The following NELL1 variants were observed in gnomAD, a reference collection of about 807,000 sequenced individuals.
The protein encoded by NELL1 is neural EGFL like 1, also known as protein kinase C-binding protein NELL1.
A neutral mutation model predicts 107.4 loss-of-function variants in NELL1; 76 were observed. That is an observed-to-expected ratio of 0.71 (90% CI 0.59 to 0.86). The LOEUF is 0.86. Ranked by LOEUF, NELL1 falls within the 40% of genes least tolerant of loss-of-function variation. The pLI is 0.00. For synonymous variants in NELL1, 353 were observed against 341.2 expected (o/e 1.03, Z -0.38); for missense variants, 1,024 against 1,005.5 (o/e 1.02, Z -0.25).
chr11:20,911,307 A>G (rs935992068), intron 5 of NELL1, among the ~76,000 whole-genome samples: 5 of 152,230 alleles, frequency 3.3e-5, no homozygotes, highest in African/African-American at 7.2e-5. Flanking sequence ...GGCCCTGCAT[A>G]TAGTATCTCA....
chr11:20,935,575 A>C (rs186795410), intron 9 of NELL1: 3 of 152,050 alleles, frequency 2.0e-5, no homozygotes, highest in African/African-American at 7.2e-5. Flanking sequence ...AGGATTTTGG[A>C]CTTTATTCTG....
At chr11:21,453,666 A>G (rs561306360) in intron 15 of NELL1, among the ~76,000 whole-genome samples, 8 of 151,836 alleles carry the variant, frequency 5.3e-5, no homozygotes, top group African/African-American at 1.7e-4. Context: ...AATCTACCTT[A>G]TTGCTGCTTA....
chr11:20,978,863 T>C (rs1851693965), intron 12 of NELL1, among the ~76,000 whole-genome samples: 1 of 152,168 alleles, frequency 6.6e-6, no homozygotes, highest in South Asian at 2.1e-4. Context: ...CTAGGTCTCC[T>C]CTCTTTCTAA....
intron 3 of NELL1, among the ~76,000 whole-genome samples, chr11:20,829,937 T>G (rs1321202193): frequency 2.6e-5 from 4 of 152,186 alleles, no homozygotes; most frequent in Non-Finnish European, 5.9e-5. Context: ...GATTCTTCAC[T>G]GTGAAGTTCT....
chr11:20,989,671 T>C (rs1035123004), intron 12 of NELL1, among the ~76,000 whole-genome samples: 19 of 152,118 alleles, frequency 1.2e-4, no homozygotes, highest in Admixed American at 1.0e-3. Context: ...GCAGATTCCA[T>C]AGCTTTTTAG....
chr11:20,871,789 G>T (rs1417688437), intron 4 of NELL1, among the ~76,000 whole-genome samples: 4 of 151,924 alleles, frequency 2.6e-5, no homozygotes, highest in Admixed American at 2.6e-4. Flanking sequence ...GGAGGCCGAG[G>T]CGGGCAGATC....
At chr11:21,551,156 G>T (rs1479309638) in intron 16 of NELL1, among the ~76,000 whole-genome samples, 1 of 151,780 alleles carries the variant, frequency 6.6e-6, no homozygotes, top group Non-Finnish European at 1.5e-5. Context: ...TGTTATTGGT[G>T]TATAAGAATG....
Position 21,438,385 on chromosome 11 carries a change from C to T in NELL1, c.1645+67437C>T, listed in dbSNP as rs61885937. Among the ~76,000 whole-genome samples the T allele has an allele frequency of 8.1e-3, 1,236 of 152,064 alleles. 11 individuals carry two copies. The highest frequency in any genetic ancestry group is 0.013 in the Non-Finnish European group (913 of 67,998). On this transcript the variant is annotated intron_variant, in intron 15 of 19. Transcript: ENST00000357134. ...GTTTTCTATGTGACTTGATGGCCTT[C>T]GTTGCTACTTTTTTCTCTTTGAATG...
intron 15 of NELL1, among the ~76,000 whole-genome samples, chr11:21,481,488 G>T (rs2133900444): frequency 6.6e-6 from 1 of 152,324 alleles, no homozygotes; most frequent in African/African-American, 2.4e-5. Flanking sequence ...TGTAAGGGTT[G>T]CATTAAAGTG....
At chr11:20,939,456 G>T (rs533922787) in intron 10 of NELL1, among the ~76,000 whole-genome samples, 1 of 151,968 alleles carries the variant, frequency 6.6e-6, no homozygotes, top group East Asian at 1.9e-4. Context: ...CAAGCACATT[G>T]CTGCTGTGAT....
intron 13 of NELL1, among the ~76,000 whole-genome samples, chr11:21,181,657 A>G (rs1590710924): frequency 6.6e-6 from 1 of 151,924 alleles, no homozygotes; most frequent in Admixed American, 6.6e-5. Context: ...AATTTTTATG[A>G]TATTAGAGAT....
intron 13 of NELL1, among the ~76,000 whole-genome samples, chr11:21,146,471 A>G (rs988716471): frequency 4.6e-5 from 7 of 152,182 alleles, no homozygotes; most frequent in African/African-American, 1.4e-4. Context: ...AGCTGTCATT[A>G]TAGTCGCCTT....
chr11:21,251,044 G>A (rs1037715692), intron 14 of NELL1, among the ~76,000 whole-genome samples: 1 of 152,052 alleles, frequency 6.6e-6, no homozygotes, highest in African/African-American at 2.4e-5. Flanking sequence ...GGAATCTGAG[G>A]TCTAGTTCAA....
At chr11:21,015,836 T>C (rs1185292535) in intron 12 of NELL1, among the ~76,000 whole-genome samples, 1 of 152,096 alleles carries the variant, frequency 6.6e-6, no homozygotes, top group Non-Finnish European at 1.5e-5. Flanking sequence ...GTCAACACAG[T>C]ATATGCTCCA....
At chr11:21,454,620 A>G (rs1009434161) in intron 15 of NELL1, among the ~76,000 whole-genome samples, 3 of 152,254 alleles carry the variant, frequency 2.0e-5, no homozygotes, top group Admixed American at 6.5e-5. Context: ...ACAAAATACC[A>G]TAGACTGAGT....
chr11:21,502,244 A>C (rs535606101), intron 15 of NELL1, among the ~76,000 whole-genome samples: 14 of 152,202 alleles, frequency 9.2e-5, no homozygotes, highest in Non-Finnish European at 1.9e-4. Flanking sequence ...AATAGTCTTG[A>C]TTGAGAGACT....
intron 12 of NELL1, among the ~76,000 whole-genome samples, chr11:21,022,382 G>C (rs1028491871): frequency 6.6e-6 from 1 of 152,030 alleles, no homozygotes; most frequent in Non-Finnish European, 1.5e-5. Flanking sequence ...TAGTTTTGGG[G>C]GAGATGCTCA....
At chr11:21,569,493 TA>T (rs1253134876) in intron 17 of NELL1, among the ~76,000 whole-genome samples, 1 of 151,290 alleles carries the variant, frequency 6.6e-6, no homozygotes, top group African/African-American at 2.4e-5. Context: ...ATGATGATGA[TA>T]TATACTTAAA....
In NELL1 at chr11:21,364,804, A is replaced by G. The variant is rs373348974; in HGVS notation, c.1550-6049A>G. ...TGCCTTAAGGTAACCAACAAATCCAAGAGGTAGCAGGGAGATGAGAAGGTG... is the reference window on the plus strand; with the variant it reads ...TGCCTTAAGGTAACCAACAAATCCAGGAGGTAGCAGGGAGATGAGAAGGTG... On this transcript the variant is annotated intron_variant, in intron 14 of 19. Coordinates refer to ENST00000357134, the MANE Select transcript of NELL1 (RefSeq NM_006157.5). Among the ~76,000 whole-genome samples the G allele has an allele frequency of 3.9e-5, 6 of 152,212 alleles. No individual in the cohort carries two copies. The East Asian group carries it at 7.7e-4, about 20-fold the overall frequency.
Sources: gnomAD v4.1 joint callset for allele counts (sites outside exome capture counted in the v4.1 genomes callset) on GRCh38, gnomAD v4.1.1 for gene constraint, MANE v1.5 for transcripts, NCBI Gene and HGNC (gene_info 2026-07-23, HGNC 2026-07-21) for gene names.